Variants in SLC38A4 observed in about 807,000 individuals in gnomAD.
SLC38A4 encodes solute carrier family 38 member 4, also known as sodium-coupled neutral amino acid transporter 4.
SLC38A4 carries 20 observed loss-of-function variants against 63.1 expected under a neutral mutation model. That is an observed-to-expected ratio of 0.32 (90% CI 0.22 to 0.46). SLC38A4 has a LOEUF of 0.46. Ranked by LOEUF, SLC38A4 falls within the 20% of genes least tolerant of loss-of-function variation. SLC38A4 has a pLI of 1.00. For synonymous variants in SLC38A4, 230 were observed against 225.5 expected (o/e 1.02, Z -0.18); for missense variants, 526 against 663.6 (o/e 0.79, Z 2.28).
chr12:46,807,636 A>T (rs1472524111), intron 1 of SLC38A4, among the ~76,000 whole-genome samples: 2 of 151,976 alleles, frequency 1.3e-5, no homozygotes, highest in African/African-American at 4.8e-5. Flanking sequence ...GATACTTGCA[A>T]AAAAAGAAAA....
At chr12:46,781,987 G>C (rs1345630755) in intron 7 of SLC38A4, among the ~76,000 whole-genome samples, 3 of 151,956 alleles carry the variant, frequency 2.0e-5, no homozygotes, top group African/African-American at 7.2e-5. Flanking sequence ...GATTTGGGGG[G>C]CTAATATGCA....
chr12:46,831,252 G>C (rs563581644), intron 1 of SLC38A4, among the ~76,000 whole-genome samples: 4 of 152,292 alleles, frequency 2.6e-5, no homozygotes, highest in African/African-American at 9.6e-5. Context: ...TGCCGCGCTC[G>C]CCACCTCTCC....
intron 3 of SLC38A4, among the ~76,000 whole-genome samples, chr12:46,789,682 T>A (rs563395489): frequency 6.6e-6 from 1 of 152,312 alleles, no homozygotes; most frequent in African/African-American, 2.4e-5. Context: ...TATGTATAAT[T>A]TTAAAAGTGC....
chr12:46,768,236 A>T (rs1333809295), intron 16 of SLC38A4, 74 bp downstream of exon 16: 1 of 1,084,582 alleles, frequency 9.2e-7, no homozygotes, highest in Non-Finnish European at 1.3e-6. Flanking sequence ...TTTCTGAACT[A>T]TGTGTATTTT....
intron 7 of SLC38A4, among the ~76,000 whole-genome samples, chr12:46,782,640 TA>T (rs1938666677): frequency 6.6e-6 from 1 of 151,778 alleles, no homozygotes; most frequent in East Asian, 2.0e-4. Context: ...AATGCCTATT[TA>T]AAAAATAATT....
chr12:46,795,320 T>A (rs1451158603), intron 2 of SLC38A4, among the ~76,000 whole-genome samples: 1 of 152,148 alleles, frequency 6.6e-6, no homozygotes, highest in Non-Finnish European at 1.5e-5. Context: ...ACAAGTGTCA[T>A]AACTTGCCTG....
intron 2 of SLC38A4, among the ~76,000 whole-genome samples, chr12:46,801,056 C>T (rs973644335): frequency 2.0e-5 from 3 of 152,234 alleles, no homozygotes; most frequent in Non-Finnish European, 4.4e-5. Flanking sequence ...AAAGAGGTCT[C>T]GCAGAAACAG....
Position 46,776,998 on chromosome 12 carries a change from G to A in SLC38A4, c.1080C>T (p.Ser360=). 6.2e-7 allele frequency: 1 copy of A among 1,609,428 alleles called. No homozygotes were observed. The highest frequency in any genetic ancestry group is 1.1e-5 in the South Asian group (1 of 90,362). The change falls in exon 13 of 17, where the codon TCC becomes TCT. Residue 360 remains serine (S), a synonymous_variant. Coordinates refer to ENST00000266579, the MANE Select transcript of SLC38A4 (RefSeq NM_018018.5). The stretch of plus-strand genomic sequence containing the variant: ...TTGACACCGTTTGCATTTTTCTCCG[G>A]GACCGACTGGAAAAAGAAAGAACAC... The part of the protein sequence containing the change: ...LPIYSELKDR[S]RRKMQTVSNI...
intron 1 of SLC38A4, among the ~76,000 whole-genome samples, chr12:46,819,602 C>G (rs78132796): frequency 6.6e-6 from 1 of 151,656 alleles, no homozygotes; most frequent in African/African-American, 2.4e-5. Flanking sequence ...TGACTTAGAT[C>G]GTCTTGGAAA....
intron 1 of SLC38A4, among the ~76,000 whole-genome samples, chr12:46,809,185 A>C (rs1592192921): frequency 6.6e-6 from 1 of 151,990 alleles, no homozygotes; most frequent in Admixed American, 6.6e-5. Context: ...ATAGACTTTA[A>C]AAGCAAGGGG....
chr12:46,810,470 CCATGG>C (rs984673125), intron 1 of SLC38A4, among the ~76,000 whole-genome samples: 6 of 151,538 alleles, frequency 4.0e-5, no homozygotes, highest in African/African-American at 1.5e-4. Context: ...CAGCAAACCA[CCATGG>C]CATGTGTATA....
chr12:46,795,181 C>A (rs557585082), intron 2 of SLC38A4, among the ~76,000 whole-genome samples: 1 of 152,014 alleles, frequency 6.6e-6, no homozygotes, highest in South Asian at 2.1e-4. Context: ...AGACTGGTTA[C>A]CCATAAAAAA....
Position 46,792,939 on chromosome 12 carries a change from T to G in SLC38A4, c.119+14A>C. ...TTATTTTTCCATGGAACATAGTAAT[T>G]TTTAACCCCATACCTGCTCATTGCT... is the stretch of plus-strand genomic sequence containing the variant. On this transcript the variant is annotated intron_variant, in intron 3 of 16. Coordinates refer to ENST00000266579, the MANE Select transcript of SLC38A4 (RefSeq NM_018018.5). 1 of 1,593,334 alleles carries G rather than the reference T, an allele frequency of 6.3e-7. No homozygotes were observed. The highest frequency in any genetic ancestry group is 8.6e-7 in the Non-Finnish European group (1 of 1,161,550).
chr12:46,785,945 C>A (rs1938753170), intron 5 of SLC38A4, among the ~76,000 whole-genome samples: 1 of 151,706 alleles, frequency 6.6e-6, no homozygotes, highest in African/African-American at 2.4e-5. Context: ...GAAAAAAAAT[C>A]TTTATCTTTG....
At chr12:46,799,555 C>T (rs1174663524) in intron 2 of SLC38A4, among the ~76,000 whole-genome samples, 1 of 152,092 alleles carries the variant, frequency 6.6e-6, no homozygotes, top group African/African-American at 2.4e-5. Context: ...TGAGATTGCA[C>T]CACTGCATTC....
intron 15 of SLC38A4, among the ~76,000 whole-genome samples, chr12:46,768,635 A>C (rs1938346332): frequency 6.6e-6 from 1 of 152,258 alleles, no homozygotes; most frequent in Admixed American, 6.6e-5. Context: ...TATATGCAAC[A>C]TATAATAAGC....
Position 46,766,817 on chromosome 12 carries a change from G to A in SLC38A4, c.1543-15C>T. The A allele has an allele frequency of 6.4e-7, 1 of 1,559,830 alleles. No homozygotes were observed. The highest frequency in any genetic ancestry group is 1.7e-5 in the Admixed American group (1 of 58,970). On this transcript the variant is annotated splice_polypyrimidine_tract_variant and intron_variant, in intron 16 of 16. Transcript: ENST00000266579. Reference sequence around the variant, plus strand: ...AAAATTAAAGCCTGTAATTCAGAGAGACTCTGTTAGGAGCACAGAAACCAT... The same window carrying A: ...AAAATTAAAGCCTGTAATTCAGAGAAACTCTGTTAGGAGCACAGAAACCAT...
At position 46,779,836 on chromosome 12, in the gene SLC38A4, A is replaced by T; in HGVS notation, c.602T>A (p.Leu201His). The T allele has an allele frequency of 1.9e-6, 3 of 1,612,302 alleles. No individual in the cohort carries two copies. The highest frequency in any genetic ancestry group is 2.5e-6 in the Non-Finnish European group (3 of 1,179,044). ...AATTCCAACAGACACAAATATGATG[A>T]GGTAGTTGCCATTGAGGTACCATTC... is the stretch of plus-strand genomic sequence containing the variant. ...TGEWYLNGNY[L>H]IIFVSVGIIL... The change falls in exon 9 of 17, where the codon CTC becomes CAC. Residue 201 changes from leucine to histidine, a missense_variant. Leu to His is a moderately conservative substitution (Grantham distance 99). Coordinates refer to ENST00000266579, the MANE Select transcript of SLC38A4 (RefSeq NM_018018.5).
In SLC38A4 at chr12:46,785,163, G is replaced by C; in HGVS notation, c.341C>G (p.Ala114Gly). The C allele has an allele frequency of 6.2e-7, 1 of 1,612,482 alleles. No homozygotes were observed. Among genetic ancestry groups the C allele is most frequent in the Middle Eastern group, 1.7e-4 (1 of 6,052 alleles). The change falls in exon 6 of 17, where the codon GCT becomes GGT. Residue 114 changes from alanine to glycine, a missense_variant. By Grantham distance (60) the Ala-to-Gly change is moderately conservative (BLOSUM62 0). Transcript: ENST00000266579. ...GIILFIIMLLAVAILSLYSVH... is the reference protein window; with the variant it reads ...GIILFIIMLLGVAILSLYSVH... ...TGAATACAGTGATAATATTGCCACA[G>C]CAAGCAGCATGATTCTGCAAAGGGA...
Sources: gnomAD v4.1 joint callset for allele counts (sites outside exome capture counted in the v4.1 genomes callset) on GRCh38, gnomAD v4.1.1 for gene constraint, MANE v1.5 for transcripts, NCBI Gene and HGNC (gene_info 2026-07-23, HGNC 2026-07-21) for gene names.